Variants in CNTNAP5 observed in about 807,000 individuals in gnomAD.
CNTNAP5 encodes the protein contactin-associated protein-like 5.
In CNTNAP5, 72 loss-of-function variants were observed where a neutral mutation model predicts 150.2. The ratio of observed to expected loss-of-function variants is 0.48; its 90% CI spans 0.40 to 0.58. The LOEUF (loss-of-function observed/expected upper bound fraction) is 0.58, where lower values mean the gene tolerates loss of function less well. Ranked by LOEUF, CNTNAP5 falls within the 20% of genes least tolerant of loss-of-function variation. The probability of loss-of-function intolerance (pLI) is 0.00; values close to 1 mark genes in which losing one functional copy is unlikely to be tolerated. For synonymous variants in CNTNAP5, 672 were observed against 619.8 expected, an observed-to-expected ratio of 1.08 and a Z score of -1.25; for missense variants, 1,636 against 1,626.2, an observed-to-expected ratio of 1.01 and a Z score of -0.10.
chr2:124,831,109 A>G (rs1191701747), intron 19 of CNTNAP5, among the ~76,000 whole-genome samples: 1 of 152,052 alleles, frequency 6.6e-6, no homozygotes, highest in East Asian at 1.9e-4. Flanking sequence ...CTTTAGAAAG[A>G]CAATTATGAA....
At chr2:124,419,140 C>CAAAAAAAAAAAAAAAA (rs778863758) in intron 4 of CNTNAP5, among the ~76,000 whole-genome samples, 1,698 of 28,824 alleles carry the variant, frequency 0.059, 493 homozygotes, top group Middle Eastern at 0.11. Flanking sequence ...GACTCCTTCT[C>CAAAAAAAAAAAAAAAA]AAAAAAAAAA....
Position 124,466,042 on chromosome 2 carries a change from C to T in CNTNAP5, c.919-8697C>T, listed in dbSNP as rs73952981. Among the ~76,000 whole-genome samples the T allele has an allele frequency of 2.7e-3, 408 of 152,180 alleles. 4 individuals carry two copies. The highest frequency in any genetic ancestry group is 9.2e-3 in the African/African-American group (382 of 41,534). On this transcript the variant is annotated intron_variant, in intron 6 of 23. Coordinates refer to ENST00000682447, the MANE Select transcript of CNTNAP5 (RefSeq NM_001367498.1). The stretch of plus-strand genomic sequence containing the variant: ...TTGCTCAGCGTATTGATCTCTTTTA[C>T]CTACCACAACTAGACTCCATTTTTC...
chr2:124,454,634 TG>T (rs1574005616), intron 6 of CNTNAP5, among the ~76,000 whole-genome samples: 2 of 152,220 alleles, frequency 1.3e-5, no homozygotes, highest in East Asian at 3.9e-4. Context: ...ATAGAGGATA[TG>T]GTAGGCCACA....
chr2:124,443,200 A>G (rs78113625), intron 5 of CNTNAP5, among the ~76,000 whole-genome samples: 1 of 150,518 alleles, frequency 6.6e-6, no homozygotes, highest in Non-Finnish European at 1.5e-5. Context: ...AGCTCATTAA[A>G]TGAAATGTGA....
intron 13 of CNTNAP5, among the ~76,000 whole-genome samples, chr2:124,684,995 C>T (rs1263073871): frequency 6.6e-6 from 1 of 152,128 alleles, no homozygotes; most frequent in Non-Finnish European, 1.5e-5. Flanking sequence ...TCAACAGATG[C>T]TGGGTTCCTT....
At chr2:124,253,152 C>A (rs1165410284) in intron 3 of CNTNAP5, among the ~76,000 whole-genome samples, 1 of 151,736 alleles carries the variant, frequency 6.6e-6, no homozygotes, top group African/African-American at 2.4e-5. Flanking sequence ...GTAACAAAAT[C>A]AATTTTTTTC....
chr2:124,663,165 A>C (rs1488634963), intron 13 of CNTNAP5, among the ~76,000 whole-genome samples: 1 of 152,226 alleles, frequency 6.6e-6, no homozygotes, highest in East Asian at 1.9e-4. Flanking sequence ...GTAGGATTAC[A>C]CACCAATCTA....
At chr2:124,597,513 C>G (rs1003109503) in intron 11 of CNTNAP5, among the ~76,000 whole-genome samples, 3 of 150,966 alleles carry the variant, frequency 2.0e-5, no homozygotes, top group African/African-American at 7.3e-5. Flanking sequence ...AAGAGATCCG[C>G]TGTTAGTCTG....
chr2:124,642,085 C>T (rs955873965), intron 12 of CNTNAP5, among the ~76,000 whole-genome samples: 21 of 152,202 alleles, frequency 1.4e-4, no homozygotes, highest in Admixed American at 1.1e-3. Context: ...AAACTGTTTA[C>T]GGCTTCCAAA....
intron 19 of CNTNAP5, among the ~76,000 whole-genome samples, chr2:124,842,199 G>GT (rs1682957824): frequency 6.6e-6 from 1 of 152,126 alleles, no homozygotes. Flanking sequence ...GTTTGTAAAT[G>GT]TAAGTGACTC....
chr2:124,777,424 G>T (rs1681348684), intron 17 of CNTNAP5, among the ~76,000 whole-genome samples: 1 of 151,986 alleles, frequency 6.6e-6, no homozygotes, highest in African/African-American at 2.4e-5. Context: ...GCCCAGGCTG[G>T]AGTGCAGTGG....
chr2:124,674,663 A>G (rs561972987), intron 13 of CNTNAP5, among the ~76,000 whole-genome samples: 73 of 151,316 alleles, frequency 4.8e-4, no homozygotes, highest in Non-Finnish European at 9.4e-4. Context: ...TTGCATCCCA[A>G]AAAGTTTGGG....
chr2:124,864,165 C>T (rs1396271181), intron 19 of CNTNAP5, among the ~76,000 whole-genome samples: 1 of 152,134 alleles, frequency 6.6e-6, no homozygotes, highest in Non-Finnish European at 1.5e-5. Flanking sequence ...ATCTCAACAA[C>T]TTATTACCCC....
intron 3 of CNTNAP5, among the ~76,000 whole-genome samples, chr2:124,341,171 T>C (rs920961572): frequency 6.6e-5 from 10 of 152,100 alleles, no homozygotes; most frequent in Non-Finnish European, 1.3e-4. Flanking sequence ...GTTATTTAAA[T>C]AAAACTTCTA....
intron 11 of CNTNAP5, among the ~76,000 whole-genome samples, chr2:124,569,700 A>G (rs1159037900): frequency 6.6e-6 from 1 of 152,130 alleles, no homozygotes; most frequent in East Asian, 1.9e-4. Context: ...CTGACATCCT[A>G]ACAATGCCCT....
intron 7 of CNTNAP5, among the ~76,000 whole-genome samples, chr2:124,500,727 C>A (rs1393221280): frequency 6.6e-6 from 1 of 151,156 alleles, no homozygotes; most frequent in East Asian, 2.0e-4. Flanking sequence ...TCCCTAGGGG[C>A]AAATGTCTAC....
At chr2:124,150,253 T>C (rs114413401) in intron 1 of CNTNAP5, among the ~76,000 whole-genome samples, 1 of 150,132 alleles carries the variant, frequency 6.7e-6, no homozygotes, top group African/African-American at 2.4e-5. Context: ...GTTAAGTAAC[T>C]GAGAATTGAA....
intron 8 of CNTNAP5, among the ~76,000 whole-genome samples, chr2:124,515,277 T>A (rs72968744): frequency 0.021 from 3,143 of 152,326 alleles, 112 homozygotes; most frequent in African/African-American, 0.07. Context: ...CTGCTGATAC[T>A]GGGGCAGAGC....
chr2:124,284,440 A>G (rs538700040), intron 3 of CNTNAP5, among the ~76,000 whole-genome samples: 1 of 152,146 alleles, frequency 6.6e-6, no homozygotes, highest in African/African-American at 2.4e-5. Context: ...GAAGGGAACA[A>G]CACACACTGA....
Sources: allele counts gnomAD v4.1 joint callset (sites outside exome capture counted in the v4.1 genomes callset), GRCh38; gene constraint gnomAD v4.1.1; transcripts MANE v1.5; gene names NCBI Gene and HGNC (gene_info 2026-07-23, HGNC 2026-07-21).